RBFOX3: variants seen among roughly 807,000 people sequenced by gnomAD.
RBFOX3 encodes RNA binding fox-1 homolog 3.
A neutral mutation model predicts 48.7 loss-of-function variants in RBFOX3; 17 were observed. The ratio of observed to expected loss-of-function variants is 0.35; its 90% CI spans 0.24 to 0.52. RBFOX3 has a LOEUF of 0.52. RBFOX3 is among the 20% of genes least tolerant of loss of function. The pLI is 0.94. For missense variants in RBFOX3, 382 were observed against 497.5 expected (o/e 0.77, Z 2.21); for synonymous variants, 212 against 209.5 (o/e 1.01, Z -0.10).
chr17:79,192,313 T>G (rs1437541235), intron 4 of RBFOX3, among the ~76,000 whole-genome samples: 1 of 151,990 alleles, frequency 6.6e-6, no homozygotes, highest in African/African-American at 2.4e-5. Context: ...TGCATCAGGA[T>G]GGGGGGGAGC....
chr17:79,285,726 C>T (rs2071712580), intron 3 of RBFOX3, among the ~76,000 whole-genome samples: 1 of 152,118 alleles, frequency 6.6e-6, no homozygotes, highest in Admixed American at 6.5e-5. Context: ...CTCTGTCACC[C>T]TGGCTGGAGT....
chr17:79,630,779 C>T, the RBFOX3 span, among the ~76,000 whole-genome samples: 1 of 152,194 alleles, frequency 6.6e-6, no homozygotes, highest in Non-Finnish European at 1.5e-5. Flanking sequence ...CGTGTATTTT[C>T]TCGTTTAACC....
chr17:79,633,517 C>T, the RBFOX3 span, among the ~76,000 whole-genome samples: 1 of 152,220 alleles, frequency 6.6e-6, no homozygotes, highest in Non-Finnish European at 1.5e-5. Context: ...GCCACCTCCT[C>T]ACTGCCTGAT....
At position 79,131,406 on chromosome 17, in the gene RBFOX3, G is replaced by A. The variant is rs147623504; in HGVS notation, c.-33-15658C>T. 3.0e-4 allele frequency among the ~76,000 whole-genome samples: 46 copies of A among 152,342 alleles called. No homozygotes were observed. In the South Asian group the frequency reaches 7.9e-3, roughly 26 times the overall value. The stretch of plus-strand genomic sequence containing the variant: ...TACCTTCACCGTCTTCCAGCTGAAC[G>A]TTGGTAGCACCTCCACCCACAGACG... On this transcript the variant is annotated intron_variant, in intron 4 of 14. Coordinates refer to ENST00000693108, the MANE Select transcript of RBFOX3 (RefSeq NM_001350451.2).
rs2077072704 is a variant in RBFOX3 at position 79,471,622 on chromosome 17, C to G, written c.-175+10832G>C. ...AAGGAAGGCGCACACACACCTGTCA[C>G]CTCTCCGTGGACTGCAGTGTTTAAA... On this transcript the variant is annotated intron_variant, in intron 2 of 14. Coordinates refer to ENST00000693108, the MANE Select transcript of RBFOX3 (RefSeq NM_001350451.2). This position sits in a 1 kb window ranked among gnomAD's most constrained non-coding sequence, Gnocchi z 4.0. Among the ~76,000 whole-genome samples the G allele has an allele frequency of 6.6e-6, 1 of 152,176 alleles. No individual in the cohort carries two copies. Among genetic ancestry groups the G allele is most frequent in the Non-Finnish European group, 1.5e-5 (1 of 68,036 alleles).
intron 2 of RBFOX3, among the ~76,000 whole-genome samples, chr17:79,321,180 T>C (rs770191171): frequency 6.6e-6 from 1 of 152,312 alleles, no homozygotes; most frequent in Non-Finnish European, 1.5e-5. Flanking sequence ...TCAAAGACCA[T>C]GCAGGAGCCC....
At chr17:79,117,106 T>C (rs2034234042) in intron 4 of RBFOX3, among the ~76,000 whole-genome samples, 1 of 152,056 alleles carries the variant, frequency 6.6e-6, no homozygotes, top group African/African-American at 2.4e-5. Context: ...CCTCCTCCAC[T>C]CGCTGTCCTC....
chr17:79,558,053 C>T (rs1345391990), intron 1 of RBFOX3, among the ~76,000 whole-genome samples: 2 of 152,164 alleles, frequency 1.3e-5, no homozygotes, highest in Non-Finnish European at 2.9e-5. Flanking sequence ...ATTTTCTGAG[C>T]CGAGGAAACC....
intron 3 of RBFOX3, among the ~76,000 whole-genome samples, chr17:79,267,054 G>A (rs2066830334): frequency 1.3e-5 from 2 of 152,176 alleles, no homozygotes; most frequent in African/African-American, 4.8e-5. Flanking sequence ...CTGAAACTAG[G>A]AGCTGGCTTG....
intron 1 of RBFOX3, among the ~76,000 whole-genome samples, chr17:79,595,083 C>T (rs967862430): frequency 7.2e-4 from 110 of 152,172 alleles, no homozygotes; most frequent in Non-Finnish European, 1.1e-3. Flanking sequence ...CCTGGGATGA[C>T]GCTCCCCATC....
intron 4 of RBFOX3, among the ~76,000 whole-genome samples, chr17:79,147,290 G>A (rs773405748): frequency 6.6e-6 from 1 of 152,244 alleles, no homozygotes; most frequent in Admixed American, 6.5e-5. Flanking sequence ...CAGGTGGCCG[G>A]GAGGACAGCT....
At chr17:79,404,289 C>T (rs1363126913) in intron 2 of RBFOX3, among the ~76,000 whole-genome samples, 1 of 152,180 alleles carries the variant, frequency 6.6e-6, no homozygotes, top group Non-Finnish European at 1.5e-5. Context: ...TCCCAGCCCA[C>T]CAGGGGCCTG....
In RBFOX3 at chr17:79,252,703, A is replaced by G. The variant is rs1389760330; in HGVS notation, c.-73-16898T>C. 6.6e-6 allele frequency among the ~76,000 whole-genome samples: 1 copy of G among 152,174 alleles called. No homozygotes were observed. The highest frequency in any genetic ancestry group is 1.9e-4 in the East Asian group (1 of 5,190). On this transcript the variant is annotated intron_variant, in intron 3 of 14. Transcript: ENST00000693108. The surrounding 1 kb of genome is among the most constrained non-coding windows in gnomAD (Gnocchi z 4.0). ...GGCACCTAATGCGGTCCTCTTGGAAAGTTCTCAGCGTCACATCGCTCTGGC... is the reference window on the plus strand; with the variant it reads ...GGCACCTAATGCGGTCCTCTTGGAAGGTTCTCAGCGTCACATCGCTCTGGC...
At chr17:79,650,017 C>T in the RBFOX3 span, among the ~76,000 whole-genome samples, 2 of 152,164 alleles carry the variant, frequency 1.3e-5, no homozygotes, top group East Asian at 1.9e-4. Context: ...GATCCAATCA[C>T]GTCCCACCAG....
intron 3 of RBFOX3, among the ~76,000 whole-genome samples, chr17:79,277,247 C>A (rs558567481): frequency 2.8e-5 from 4 of 140,572 alleles, no homozygotes; most frequent in Non-Finnish European, 4.6e-5. Context: ...CTGGCTCTGC[C>A]CAGATCTTTC....
chr17:79,425,646 G>A (rs372349525), intron 2 of RBFOX3, among the ~76,000 whole-genome samples: 4 of 152,346 alleles, frequency 2.6e-5, no homozygotes, highest in South Asian at 2.1e-4. Context: ...ACCTTGGGGC[G>A]GCACTCACAG....
In RBFOX3 at chr17:79,477,558, G is replaced by GA. The variant is rs113513832; in HGVS notation, c.-175+4895dup. Among the ~76,000 whole-genome samples, 1,142 of 147,018 alleles carry GA rather than the reference G, an allele frequency of 7.8e-3. 11 individuals carry two copies. The highest frequency in any genetic ancestry group is 0.022 in the African/African-American group (877 of 40,138). On this transcript the variant is annotated intron_variant, in intron 2 of 14. Transcript: ENST00000693108. This position sits in a 1 kb window ranked among gnomAD's most constrained non-coding sequence, Gnocchi z 4.8. ...GCGACAGAGCGAAACTCCGTCACCG[G>GA]AAAAAAAAAAAGAGGAGGAGGAGTA...
At chr17:79,376,101 G>A (rs1179883827) in intron 2 of RBFOX3, among the ~76,000 whole-genome samples, 1 of 152,042 alleles carries the variant, frequency 6.6e-6, no homozygotes, top group Non-Finnish European at 1.5e-5. Context: ...GAGCCCAGCC[G>A]ACCCCCTCCC....
chr17:79,623,823 TAAA>T, the RBFOX3 span, among the ~76,000 whole-genome samples: 637 of 105,992 alleles, frequency 6.0e-3, 7 homozygotes, highest in East Asian at 0.03. Flanking sequence ...ACTCTGTCTC[TAAA>T]AAAAAAAAAA....
Sources: allele counts gnomAD v4.1 joint callset (sites outside exome capture counted in the v4.1 genomes callset), GRCh38; gene constraint gnomAD v4.1.1; non-coding constraint Gnocchi (gnomAD v3.1); transcripts MANE v1.5; gene names NCBI Gene and HGNC (gene_info 2026-07-23, HGNC 2026-07-21).